GOLGA4: variants seen among roughly 807,000 people sequenced by gnomAD.
GOLGA4 encodes the protein golgin subfamily A member 4.
In GOLGA4, 169 loss-of-function variants were observed where a neutral mutation model predicts 265.9. The observed-to-expected ratio is 0.64, with a 90% CI of 0.56 to 0.72. GOLGA4 has a LOEUF of 0.72. Among genes scored for constraint, GOLGA4 ranks in the 30% least tolerant of loss-of-function variants. The pLI is 0.00. For synonymous variants in GOLGA4, 923 were observed against 855.8 expected, an observed-to-expected ratio of 1.08 and a Z score of -1.37; for missense variants, 2,482 against 2,483.4, an observed-to-expected ratio of 1.00 and a Z score of 0.01.
chr3:37,289,351 G>A (rs1275775503), intron 5 of GOLGA4, 60 bp downstream of exon 5: 2 of 1,050,348 alleles, frequency 1.9e-6, no homozygotes, highest in Admixed American at 3.8e-5. Context: ...TATCAGAACT[G>A]TTGTATGTGC....
intron 2 of GOLGA4, among the ~76,000 whole-genome samples, chr3:37,269,480 G>T (rs965682624): frequency 1.5e-4 from 23 of 152,062 alleles, no homozygotes; most frequent in Non-Finnish European, 3.4e-4. Flanking sequence ...CCTCTTGAGA[G>T]TTTATAGTTT....
chr3:37,335,195 G>T, intron 17 of GOLGA4, 29 bp downstream of exon 17: 1 of 1,155,762 alleles, frequency 8.7e-7, no homozygotes, highest in Non-Finnish European at 1.3e-6. Flanking sequence ...TGCTGCACAT[G>T]TTTCTTGAAA....
intron 10 of GOLGA4, among the ~76,000 whole-genome samples, chr3:37,308,757 A>G (rs1284864020): frequency 1.3e-5 from 2 of 151,878 alleles, no homozygotes; most frequent in African/African-American, 4.8e-5. Context: ...CTGGGACTAC[A>G]GGCGTGTGCC....
chr3:37,359,809 T>C (rs1480048479), intron 22 of GOLGA4, among the ~76,000 whole-genome samples: 1 of 152,210 alleles, frequency 6.6e-6, no homozygotes, highest in Non-Finnish European at 1.5e-5. Context: ...GGTTTACCCT[T>C]TCCCTCTGCA....
At chr3:37,286,703 T>C (rs1285093596) in intron 4 of GOLGA4, among the ~76,000 whole-genome samples, 2 of 152,348 alleles carry the variant, frequency 1.3e-5, no homozygotes, top group Non-Finnish European at 2.9e-5. Context: ...CTTGTTTTAG[T>C]GGTAAAGACA....
chr3:37,307,619 A>G (rs752391026), intron 10 of GOLGA4, among the ~76,000 whole-genome samples: 1 of 151,730 alleles, frequency 6.6e-6, no homozygotes, highest in Non-Finnish European at 1.5e-5. Context: ...AGAAAATTCC[A>G]TGTTTCTCAG....
intron 2 of GOLGA4, among the ~76,000 whole-genome samples, chr3:37,252,845 T>C (rs2096737800): frequency 6.6e-6 from 1 of 152,208 alleles, no homozygotes; most frequent in African/African-American, 2.4e-5. Flanking sequence ...GTAGGAGTTT[T>C]TTAAAAAATA....
intron 21 of GOLGA4, among the ~76,000 whole-genome samples, chr3:37,349,043 TCTC>T (rs1429233298): frequency 6.6e-6 from 1 of 152,114 alleles, no homozygotes; most frequent in Non-Finnish European, 1.5e-5. Flanking sequence ...TAGTGCTCTC[TCTC>T]CTCTTTATCT....
rs1481074816 is a variant in GOLGA4, at chr3:37,257,915, G to GTATGTATA, written c.162+6443_162+6450dup. On this transcript the variant is annotated intron_variant, in intron 2 of 23. Coordinates refer to ENST00000361924, the MANE Select transcript of GOLGA4 (RefSeq NM_002078.5). ...TATACATATATATATATATATATATGTATGTATATATGTATATATACATAC... is the reference window on the plus strand; with the variant it reads ...TATACATATATATATATATATATATGTATGTATATATGTATATATGTATATATACATAC... Among the ~76,000 whole-genome samples the GTATGTATA allele has an allele frequency of 1.7e-5, 2 of 114,930 alleles. 1 individual carries two copies. The highest frequency in any genetic ancestry group is 3.4e-5 in the Non-Finnish European group (2 of 58,156). 75.4% of individuals were successfully genotyped at this position (114,930 alleles called of 152,430 possible).
intron 20 of GOLGA4, among the ~76,000 whole-genome samples, chr3:37,346,611 A>G (rs1404704029): frequency 6.6e-6 from 1 of 152,166 alleles, no homozygotes; most frequent in Non-Finnish European, 1.5e-5. Flanking sequence ...AAACAGTGTA[A>G]GTAAACATCG....
At chr3:37,278,375 A>G (rs1200895033) in intron 2 of GOLGA4, among the ~76,000 whole-genome samples, 2 of 151,846 alleles carry the variant, frequency 1.3e-5, no homozygotes, top group Non-Finnish European at 2.9e-5. Context: ...AATTTTTTGT[A>G]TTTTTATAGT....
At chr3:37,360,407 A>T (rs1046173829) in intron 22 of GOLGA4, among the ~76,000 whole-genome samples, 2 of 152,114 alleles carry the variant, frequency 1.3e-5, no homozygotes, top group Non-Finnish European at 1.5e-5. Flanking sequence ...TATTAACCTC[A>T]TTGTGTTGTG....
At chr3:37,275,565 G>C in intron 2 of GOLGA4, 1 of 1,083,434 alleles carries the variant, frequency 9.2e-7, no homozygotes, top group African/African-American at 1.6e-5. Context: ...GAGGAAGGGG[G>C]CCTAGGCCCG....
intron 20 of GOLGA4, among the ~76,000 whole-genome samples, chr3:37,345,246 T>G (rs902296802): frequency 6.6e-6 from 1 of 152,200 alleles, no homozygotes; most frequent in Non-Finnish European, 1.5e-5. Context: ...GTAGTAATCT[T>G]GCACCCCTTT....
intron 2 of GOLGA4, among the ~76,000 whole-genome samples, chr3:37,264,980 A>G (rs901034508): frequency 1.3e-5 from 2 of 152,154 alleles, no homozygotes; most frequent in African/African-American, 2.4e-5. Flanking sequence ...GGGAGGCCCT[A>G]TATACCCATC....
chr3:37,301,155 A>G (rs1013197981), intron 9 of GOLGA4, among the ~76,000 whole-genome samples: 8 of 152,250 alleles, frequency 5.3e-5, no homozygotes, highest in African/African-American at 1.4e-4. Context: ...TTGTTGTCAC[A>G]AAGTCTGAAC....
chr3:37,271,860 C>G (rs1308423992), intron 2 of GOLGA4, among the ~76,000 whole-genome samples: 1 of 152,172 alleles, frequency 6.6e-6, no homozygotes, highest in South Asian at 2.1e-4. Flanking sequence ...TCTCCATCAC[C>G]CGCATTACCA....
Position 37,296,126 on chromosome 3 carries a change from A to C in GOLGA4, c.721A>C (p.Asn241His). 1 of 1,613,546 alleles carries C rather than the reference A, an allele frequency of 6.2e-7. No homozygotes were observed. The highest frequency in any genetic ancestry group is 8.5e-7 in the Non-Finnish European group (1 of 1,179,456). Reference sequence around the variant, plus strand: ...ACAACGATTACGAAATGGCCCGATGAATGTTGATGTACTGAAACCACTTCC... The same window carrying C: ...ACAACGATTACGAAATGGCCCGATGCATGTTGATGTACTGAAACCACTTCC... ...LKQRLRNGPM[N>H]VDVLKPLPQL... The change falls in exon 7 of 24, where the codon AAT becomes CAT. Residue 241 changes from asparagine (N) to histidine (H), a missense_variant. This residue lies in a region of GOLGA4 where 1,536 missense variants were observed against 1,483.7 expected (regional missense o/e 1.04). Coordinates refer to ENST00000361924, the MANE Select transcript of GOLGA4 (RefSeq NM_002078.5).
rs533895235 is a variant in GOLGA4 at position 37,286,279 on chromosome 3, G to A, written c.525+218G>A. On this transcript the variant is annotated intron_variant, in intron 4 of 23. Coordinates refer to ENST00000361924, the MANE Select transcript of GOLGA4 (RefSeq NM_002078.5). ...CGCCATTCTCCTGCCTCAGCCTCCCGAGTAGCTGGGACTACAGGCGCCCGC... is the reference window on the plus strand; with the variant it reads ...CGCCATTCTCCTGCCTCAGCCTCCCAAGTAGCTGGGACTACAGGCGCCCGC... 7.9e-4 allele frequency among the ~76,000 whole-genome samples: 116 copies of A among 147,430 alleles called. 1 individual carries two copies. Among genetic ancestry groups the A allele is most frequent in the Non-Finnish European group, 1.5e-3 (98 of 67,044 alleles).
Sources: gnomAD v4.1 joint callset for allele counts (sites outside exome capture counted in the v4.1 genomes callset) on GRCh38, gnomAD v4.1.1 for gene constraint, gnomAD v4.1.1 regional missense constraint, MANE v1.5 for transcripts, NCBI Gene and HGNC (gene_info 2026-07-23, HGNC 2026-07-21) for gene names.